The following GRIP1 variants were observed in gnomAD, a reference collection of about 807,000 sequenced individuals.
The protein encoded by GRIP1 is glutamate receptor interacting protein 1, also known as glutamate receptor-interacting protein 1.
GRIP1 carries 45 observed loss-of-function variants against 129.9 expected under a neutral mutation model. The ratio of observed to expected loss-of-function variants is 0.35; its 90% CI spans 0.27 to 0.44. The LOEUF is 0.44. Ranked by LOEUF, GRIP1 falls within the 20% of genes least tolerant of loss-of-function variation. GRIP1 has a pLI of 1.00. For missense variants in GRIP1, 1,196 were observed against 1,396.8 expected, an observed-to-expected ratio of 0.86 and a Z score of 2.29; for synonymous variants, 530 against 520.8, an observed-to-expected ratio of 1.02 and a Z score of -0.24.
chr12:66,729,632 G>C lies in GRIP1; in HGVS notation c.-420+74421C>G, dbSNP rs2036367721. On this transcript the variant is annotated intron_variant, in intron 1 of 4. Transcript: ENST00000538373. ...TCTGTTGCCCAGGCTGGAGTGCAGTGGTGCGATCTCGGCTTACTTCAAGCT... is the reference window on the plus strand; with the variant it reads ...TCTGTTGCCCAGGCTGGAGTGCAGTCGTGCGATCTCGGCTTACTTCAAGCT... 2.0e-5 allele frequency among the ~76,000 whole-genome samples: 3 copies of C among 152,106 alleles called. No homozygotes were observed. The South Asian group carries it at 6.2e-4, about 32-fold the overall frequency.
chr12:66,600,786 T>G (rs1352890936), intron 1 of GRIP1, among the ~76,000 whole-genome samples: 1 of 152,208 alleles, frequency 6.6e-6, no homozygotes, highest in Non-Finnish European at 1.5e-5. Flanking sequence ...ACTTCGATGA[T>G]CATATTAACA....
intron 1 of GRIP1, among the ~76,000 whole-genome samples, chr12:66,889,503 A>G (rs376644004): frequency 6.6e-6 from 1 of 152,306 alleles, no homozygotes; most frequent in East Asian, 1.9e-4. Context: ...CTTTTGGAGA[A>G]CTATAATCCA....
At chr12:67,000,214 AC>A (rs1341532270) in intron 1 of GRIP1, among the ~76,000 whole-genome samples, 1 of 152,180 alleles carries the variant, frequency 6.6e-6, no homozygotes, top group East Asian at 1.9e-4. Context: ...TTAGGTAAGT[AC>A]TACAGGGCAA....
chr12:66,394,984 G>A (rs1487316734), intron 16 of GRIP1, among the ~76,000 whole-genome samples: 7 of 152,116 alleles, frequency 4.6e-5, no homozygotes, highest in Non-Finnish European at 1.0e-4. Context: ...TTAAAGTGGA[G>A]GTTTGAATGA....
chr12:66,708,979 G>A (rs930563661), intron 1 of GRIP1, among the ~76,000 whole-genome samples: 1 of 151,656 alleles, frequency 6.6e-6, no homozygotes, highest in African/African-American at 2.4e-5. Flanking sequence ...ATATTACCAT[G>A]TGACATGATT....
At chr12:66,556,797 T>C (rs2062349455) in intron 2 of GRIP1, among the ~76,000 whole-genome samples, 1 of 151,956 alleles carries the variant, frequency 6.6e-6, no homozygotes, top group African/African-American at 2.4e-5. Context: ...GCAAGCCTTA[T>C]GGTAACCTCA....
At chr12:66,664,063 T>C (rs1335161195) in intron 1 of GRIP1, among the ~76,000 whole-genome samples, 1 of 152,220 alleles carries the variant, frequency 6.6e-6, no homozygotes, top group African/African-American at 2.4e-5. Context: ...TAAGGGTCTT[T>C]AATATGCTAA....
chr12:66,500,875 C>T (rs551210090), intron 7 of GRIP1, among the ~76,000 whole-genome samples: 1 of 152,322 alleles, frequency 6.6e-6, no homozygotes, highest in African/African-American at 2.4e-5. Flanking sequence ...TATTGGTGTG[C>T]TCTCAAAAGA....
intron 23 of GRIP1, among the ~76,000 whole-genome samples, chr12:66,370,386 T>C (rs983514417): frequency 6.6e-6 from 1 of 152,242 alleles, no homozygotes; most frequent in African/African-American, 2.4e-5. Flanking sequence ...GGTGAAAGAA[T>C]GAACCCAGGA....
chr12:66,617,938 C>T (rs1376316761), intron 1 of GRIP1, among the ~76,000 whole-genome samples: 1 of 151,850 alleles, frequency 6.6e-6, no homozygotes, highest in Non-Finnish European at 1.5e-5. Context: ...TCTGATATAA[C>T]CTTTAAAGAG....
At chr12:66,862,206 T>C (rs1011773613) in intron 1 of GRIP1, among the ~76,000 whole-genome samples, 1 of 152,132 alleles carries the variant, frequency 6.6e-6, no homozygotes, top group Admixed American at 6.6e-5. Context: ...CTAGACTGGC[T>C]CTACTGAGGT....
At chr12:66,831,774 T>C (rs769603562) in intron 1 of GRIP1, among the ~76,000 whole-genome samples, 23 of 152,330 alleles carry the variant, frequency 1.5e-4, no homozygotes, top group African/African-American at 1.2e-4. Flanking sequence ...ATTTTCCTCT[T>C]ACTTTCTAAG....
intron 7 of GRIP1, among the ~76,000 whole-genome samples, chr12:66,467,980 C>CTTA (rs1352210016): frequency 1.3e-5 from 2 of 152,122 alleles, no homozygotes; most frequent in Admixed American, 6.5e-5. Context: ...TTCTATATTA[C>CTTA]TTATTAATCT....
chr12:66,482,807 G>A (rs2059842682), intron 7 of GRIP1, among the ~76,000 whole-genome samples: 1 of 152,104 alleles, frequency 6.6e-6, no homozygotes, highest in Admixed American at 6.6e-5. Flanking sequence ...GGAAAAATCA[G>A]GAAGAAATAA....
chr12:66,922,257 A>G (rs933067501), intron 1 of GRIP1, among the ~76,000 whole-genome samples: 1 of 152,166 alleles, frequency 6.6e-6, no homozygotes, highest in African/African-American at 2.4e-5. Flanking sequence ...GTAACCCCCA[A>G]AGCAATTTAC....
chr12:66,614,461 C>T (rs2064949680), intron 1 of GRIP1, among the ~76,000 whole-genome samples: 2 of 152,088 alleles, frequency 1.3e-5, no homozygotes, highest in African/African-American at 2.4e-5. Flanking sequence ...AGCCCATATG[C>T]AAGTTCTGTA....
At chr12:66,504,155 G>A (rs2060465878) in intron 7 of GRIP1, among the ~76,000 whole-genome samples, 1 of 152,098 alleles carries the variant, frequency 6.6e-6, no homozygotes, top group Non-Finnish European at 1.5e-5. Flanking sequence ...AGGAATGTTG[G>A]CCCAGTGATG....
chr12:67,013,220 T>C (rs2042735235), intron 1 of GRIP1, among the ~76,000 whole-genome samples: 1 of 152,138 alleles, frequency 6.6e-6, no homozygotes, highest in Non-Finnish European at 1.5e-5. Flanking sequence ...AATACTTACA[T>C]AAAAATAGGC....
chr12:66,931,578 A>C (rs971463011), intron 1 of GRIP1, among the ~76,000 whole-genome samples: 4 of 152,218 alleles, frequency 2.6e-5, no homozygotes, highest in Non-Finnish European at 5.9e-5. Flanking sequence ...AGCAAAAATA[A>C]TAGGCATTAT....
Sources: gnomAD v4.1 joint callset for allele counts (sites outside exome capture counted in the v4.1 genomes callset) on GRCh38, gnomAD v4.1.1 for gene constraint, MANE v1.5 for transcripts, NCBI Gene and HGNC (gene_info 2026-07-23, HGNC 2026-07-21) for gene names.